Variants in ITPR1 observed in about 807,000 individuals in gnomAD.
ITPR1 encodes the protein inositol 1,4,5-trisphosphate receptor type 1, also known as inositol 1,4,5-trisphosphate-gated calcium channel ITPR1.
Under a neutral mutation model 318.4 loss-of-function variants are expected in ITPR1, and 96 were observed. The observed-to-expected ratio is 0.30, with a 90% CI of 0.26 to 0.36. The LOEUF (loss-of-function observed/expected upper bound fraction) is 0.36. Ranked by LOEUF, ITPR1 falls within the 10% of genes least tolerant of loss-of-function variation. ITPR1 has a pLI of 1.00. For missense variants in ITPR1, 2,440 were observed against 3,460.2 expected (o/e 0.71, Z 7.40); for synonymous variants, 1,312 against 1,289.9 (o/e 1.02, Z -0.37).
chr3:4,620,680 GTTT>G (rs66922925), intron 4 of ITPR1, among the ~76,000 whole-genome samples: 8,263 of 128,044 alleles, frequency 0.065, 299 homozygotes, highest in African/African-American at 0.12. Flanking sequence ...TTCTTTGTGG[GTTT>G]TTTTTTTTTT....
intron 44 of ITPR1, among the ~76,000 whole-genome samples, chr3:4,760,313 C>T (rs776883164): frequency 5.9e-5 from 9 of 152,352 alleles, no homozygotes; most frequent in East Asian, 1.9e-4. Context: ...GTCGGCCTGG[C>T]GGGGGCAGAT....
At chr3:4,640,245 C>T (rs2093306738) in intron 6 of ITPR1, among the ~76,000 whole-genome samples, 2 of 152,186 alleles carry the variant, frequency 1.3e-5, no homozygotes, top group African/African-American at 4.8e-5. Context: ...CATAGGAGTC[C>T]TTCCCCTTTC....
At position 4,673,260 on chromosome 3, in the gene ITPR1, G is replaced by T; in HGVS notation, c.2329G>T (p.Asp777Tyr). The change falls in exon 21 of 62, where the codon GAC becomes TAC. Residue 777 changes from aspartate to tyrosine, a missense_variant. Asp to Tyr is a radical substitution (Grantham distance 160, BLOSUM62 -3). Transcript: ENST00000649015. ...CATGTCTGACGAGAACCTGCCCTAT[G>T]ACCTCAGGGCGTCCTTCTGCCGCCT... is the stretch of plus-strand genomic sequence containing the variant. ...RCMSDENLPY[D>Y]LRASFCRLML... 6.2e-7 allele frequency: 1 copy of T among 1,613,934 alleles called. No homozygotes were observed. Among genetic ancestry groups the T allele is most frequent in the Non-Finnish European group, 8.5e-7 (1 of 1,179,870 alleles).
chr3:4,622,150 C>T (rs922718920), intron 4 of ITPR1, among the ~76,000 whole-genome samples: 9 of 141,436 alleles, frequency 6.4e-5, no homozygotes, highest in African/African-American at 1.3e-4. Context: ...AGTCTTGTTC[C>T]GTTGCCCAGG....
intron 61 of ITPR1, among the ~76,000 whole-genome samples, chr3:4,841,605 T>A (rs1248551581): frequency 6.6e-6 from 1 of 152,218 alleles, no homozygotes; most frequent in African/African-American, 2.4e-5. Context: ...TCAATTATAA[T>A]TAAACTTGGT....
chr3:4,721,620 T>C (rs527830800), intron 40 of ITPR1, among the ~76,000 whole-genome samples: 13 of 152,292 alleles, frequency 8.5e-5, no homozygotes, highest in Middle Eastern at 3.4e-3. Context: ...TTCGAGCGGC[T>C]GGAGATACAA....
chr3:4,567,616 T>G (rs201634194), intron 4 of ITPR1, among the ~76,000 whole-genome samples: 27,973 of 151,420 alleles, frequency 0.18, 2,653 homozygotes, highest in East Asian at 0.29. Context: ...TTTTTTGGTT[T>G]CTTTTTTGAG....
At chr3:4,532,359 T>G (rs2083486562) in intron 4 of ITPR1, among the ~76,000 whole-genome samples, 1 of 152,168 alleles carries the variant, frequency 6.6e-6, no homozygotes, top group Admixed American at 6.5e-5. Context: ...CATTTCTTTT[T>G]TATTTATTTT....
rs748274420 is a variant in ITPR1 at position 4,673,271 on chromosome 3, G to A, written c.2340G>A (p.Ala780=). The stretch of plus-strand genomic sequence containing the variant: ...AGAACCTGCCCTATGACCTCAGGGC[G>A]TCCTTCTGCCGCCTCATGCTTCACA... ...SDENLPYDLR[A]SFCRLMLHMH... is the part of the protein sequence containing the mutation. The change falls in exon 21 of 62, where the codon GCG becomes GCA. Residue 780 remains alanine, a synonymous_variant. Coordinates refer to ENST00000649015, the MANE Select transcript of ITPR1 (RefSeq NM_001378452.1). The A allele has an allele frequency of 3.8e-5, 62 of 1,613,766 alleles. No individual in the cohort carries two copies. The highest frequency in any genetic ancestry group is 1.6e-4 in the Middle Eastern group (1 of 6,084).
intron 6 of ITPR1, among the ~76,000 whole-genome samples, chr3:4,641,564 C>G (rs1365631931): frequency 1.3e-5 from 2 of 152,178 alleles, no homozygotes; most frequent in Non-Finnish European, 2.9e-5. Flanking sequence ...TTTGTAGAGA[C>G]AAGATCTCCC....
At chr3:4,677,869 T>C (rs1043401162) in intron 24 of ITPR1, among the ~76,000 whole-genome samples, 1 of 151,964 alleles carries the variant, frequency 6.6e-6, no homozygotes, top group African/African-American at 2.4e-5. Flanking sequence ...ATCTAGTATA[T>C]AGGGAAGGCT....
intron 60 of ITPR1, among the ~76,000 whole-genome samples, chr3:4,835,664 A>G (rs3805032): frequency 0.69 from 105,347 of 152,050 alleles, 36,602 homozygotes; most frequent in Admixed American, 0.75. Flanking sequence ...GACACCAGAC[A>G]TGTGGAATGA....
chr3:4,642,307 T>G, intron 7 of ITPR1, 56 bp downstream of exon 7: 1 of 1,353,744 alleles, frequency 7.4e-7, no homozygotes, highest in Non-Finnish European at 9.8e-7. Context: ...CAAGCATGAC[T>G]GTATATTAGA....
chr3:4,633,135 A>G (rs2093068034), intron 5 of ITPR1, among the ~76,000 whole-genome samples: 1 of 151,852 alleles, frequency 6.6e-6, no homozygotes, highest in African/African-American at 2.4e-5. Flanking sequence ...ACGAGGTTTC[A>G]CCATTTTGGC....
intron 4 of ITPR1, among the ~76,000 whole-genome samples, chr3:4,544,795 A>G (rs1416917128): frequency 6.6e-6 from 1 of 152,126 alleles, no homozygotes; most frequent in Non-Finnish European, 1.5e-5. Context: ...TCATTGCAAC[A>G]ACAACTTTTT....
At chr3:4,762,398 G>C (rs1465656910) in intron 44 of ITPR1, among the ~76,000 whole-genome samples, 3 of 152,120 alleles carry the variant, frequency 2.0e-5, no homozygotes, top group African/African-American at 7.2e-5. Flanking sequence ...GAGAAGATTC[G>C]AGTTTCAGAG....
At chr3:4,689,124 C>T (rs551632128) in intron 31 of ITPR1, among the ~76,000 whole-genome samples, 1 of 152,236 alleles carries the variant, frequency 6.6e-6, no homozygotes, top group East Asian at 1.9e-4. Context: ...CTGCTTTTTT[C>T]ACTTAACACA....
At chr3:4,680,524 T>C in intron 24 of ITPR1, 29 bp from the exon 25 acceptor site, 12 of 1,605,772 alleles carry the variant, frequency 7.5e-6, no homozygotes, top group Non-Finnish European at 9.4e-6. Context: ...ATGTAACCAA[T>C]CTGTTTCCAT....
chr3:4,753,970 G>A (rs1047792288), intron 44 of ITPR1, among the ~76,000 whole-genome samples: 1 of 149,078 alleles, frequency 6.7e-6, no homozygotes, highest in Non-Finnish European at 1.5e-5. Context: ...TCACCCCTAT[G>A]CGTATGTTTC....
Sources: allele counts gnomAD v4.1 joint callset (sites outside exome capture counted in the v4.1 genomes callset), GRCh38; gene constraint gnomAD v4.1.1; transcripts MANE v1.5; gene names NCBI Gene and HGNC (gene_info 2026-07-23, HGNC 2026-07-21).